Variants in EPHA5 observed in about 807,000 individuals in gnomAD.
EPHA5 encodes ephrin type-A receptor 5.
EPHA5 carries 60 observed loss-of-function variants against 105.0 expected under a neutral mutation model. That is an observed-to-expected ratio of 0.57 (90% CI 0.46 to 0.71). The LOEUF is 0.71. Among genes scored for constraint, EPHA5 ranks in the 30% least tolerant of loss-of-function variants. The probability of loss-of-function intolerance (pLI) is 0.00; values close to 1 mark genes in which losing one functional copy is unlikely to be tolerated. For missense variants in EPHA5, 1,218 were observed against 1,274.7 expected (o/e 0.96, Z 0.68); for synonymous variants, 513 against 449.1 (o/e 1.14, Z -1.80).
chr4:65,628,364 C>A (rs747071070), intron 2 of EPHA5, among the ~76,000 whole-genome samples: 1 of 151,922 alleles, frequency 6.6e-6, no homozygotes, highest in Non-Finnish European at 1.5e-5. Flanking sequence ...AATAATGCTA[C>A]CAAGAAAATT....
At chr4:65,499,183 C>A (rs1732242975) in intron 3 of EPHA5, among the ~76,000 whole-genome samples, 1 of 151,538 alleles carries the variant, frequency 6.6e-6, no homozygotes, top group Admixed American at 6.6e-5. Context: ...TTCCTACCAT[C>A]AAATCTCCAA....
At chr4:65,610,927 T>C (rs1744706182) in intron 2 of EPHA5, among the ~76,000 whole-genome samples, 1 of 152,204 alleles carries the variant, frequency 6.6e-6, no homozygotes, top group Non-Finnish European at 1.5e-5. Flanking sequence ...TTCATCATGC[T>C]ATGCCAAGAG....
intron 2 of EPHA5, among the ~76,000 whole-genome samples, chr4:65,613,192 T>C (rs1744930964): frequency 6.6e-6 from 1 of 152,102 alleles, no homozygotes; most frequent in African/African-American, 2.4e-5. Flanking sequence ...TGTAGGTCTG[T>C]GACTTTATTT....
intron 8 of EPHA5, among the ~76,000 whole-genome samples, chr4:65,383,675 A>G (rs1719803614): frequency 6.6e-6 from 1 of 151,834 alleles, no homozygotes; most frequent in South Asian, 2.1e-4. Flanking sequence ...CCTGGTCATA[A>G]TATCTGCCAG....
chr4:65,656,127 TGC>T (rs1749033012), intron 1 of EPHA5, among the ~76,000 whole-genome samples: 1 of 71,638 alleles, frequency 1.4e-5, no homozygotes, highest in Admixed American at 2.1e-4. Flanking sequence ...CTGCTGCTGC[TGC>T]TTAAAAAAAA....
intron 3 of EPHA5, among the ~76,000 whole-genome samples, chr4:65,569,455 C>T (rs1739895838): frequency 6.6e-6 from 1 of 151,524 alleles, no homozygotes; most frequent in African/African-American, 2.4e-5. Context: ...CATATATTTT[C>T]CCTACCCCCA....
At chr4:65,341,512 G>C (rs1281776204) in intron 14 of EPHA5, among the ~76,000 whole-genome samples, 1 of 151,104 alleles carries the variant, frequency 6.6e-6, no homozygotes, top group African/African-American at 2.4e-5. Flanking sequence ...ATATACATAT[G>C]AATGCCACCC....
intron 1 of EPHA5, among the ~76,000 whole-genome samples, chr4:65,653,704 C>T (rs766168825): frequency 1.3e-5 from 2 of 151,650 alleles, no homozygotes; most frequent in African/African-American, 2.4e-5. Context: ...GCTATTTGTC[C>T]TTTCTCAAAG....
At chr4:65,361,797 C>T (rs144157107) in intron 11 of EPHA5, among the ~76,000 whole-genome samples, 1 of 151,476 alleles carries the variant, frequency 6.6e-6, no homozygotes, top group African/African-American at 2.4e-5. Context: ...CAGAACTAGG[C>T]TTATTTATAC....
chr4:65,357,029 G>A (rs1414846367), intron 11 of EPHA5, among the ~76,000 whole-genome samples: 1 of 151,382 alleles, frequency 6.6e-6, no homozygotes, highest in Non-Finnish European at 1.5e-5. Flanking sequence ...TTTAATCACA[G>A]GGGAGAGTTT....
chr4:65,599,322 G>A (rs893083545), intron 3 of EPHA5, among the ~76,000 whole-genome samples: 10 of 149,018 alleles, frequency 6.7e-5, no homozygotes, highest in Admixed American at 2.0e-4. Flanking sequence ...GATGTAAAAT[G>A]AGCTAGAGTC....
At chr4:65,564,049 A>T (rs28689987) in intron 3 of EPHA5, among the ~76,000 whole-genome samples, 6,724 of 151,810 alleles carry the variant, frequency 0.044, 200 homozygotes, top group South Asian at 0.092. Context: ...CAGCCAACTT[A>T]CTCTTTGCTA....
In EPHA5 at chr4:65,413,050, A is replaced by G. The variant is rs138181359; in HGVS notation, c.1687+1234T>C. Among the ~76,000 whole-genome samples, 5 of 152,294 alleles carry G rather than the reference A, an allele frequency of 3.3e-5. No homozygotes were observed. In the East Asian group the frequency reaches 9.7e-4, roughly 29 times the overall value. On this transcript the variant is annotated intron_variant, in intron 7 of 16. Coordinates refer to ENST00000613740, the MANE Select transcript of EPHA5 (RefSeq NM_001281766.3). ...GAATCAAGTCTTGTTAAGATGGCTAACTTATATAGCATACCTTTTTTCCTA... is the reference window on the plus strand; with the variant it reads ...GAATCAAGTCTTGTTAAGATGGCTAGCTTATATAGCATACCTTTTTTCCTA...
chr4:65,575,051 G>A (rs1412605479), intron 3 of EPHA5, among the ~76,000 whole-genome samples: 1 of 151,730 alleles, frequency 6.6e-6, no homozygotes, highest in South Asian at 2.1e-4. Flanking sequence ...ATTGGGAAAA[G>A]AATGCTGCTA....
rs111537275 is a variant in EPHA5, at chr4:65,324,035, C to CTT, written c.*77_*78dup. 8 of 938,050 alleles carry CTT rather than the reference C, an allele frequency of 8.5e-6. No homozygotes were observed. The highest frequency in any genetic ancestry group is 1.3e-5 in the Non-Finnish European group (8 of 600,138). The allele number at this position is 938,050 out of a possible 1,614,324, so 58.1% of individuals were successfully genotyped here. A position where few individuals can be genotyped will look rare whatever the true frequency, so the allele number is the denominator to read the frequency against. ...GAAATCACTGTTTTCCCTTTTCCCC[C>CTT]TTTTTTTGTTAAAATAAATCTCAGT... On this transcript the variant is annotated 3_prime_UTR_variant, in exon 17 of 17. Transcript: ENST00000613740.
chr4:65,567,575 G>A (rs1217445796), intron 3 of EPHA5, among the ~76,000 whole-genome samples: 4 of 151,484 alleles, frequency 2.6e-5, no homozygotes, highest in African/African-American at 9.7e-5. Context: ...AAAACATACT[G>A]TTATTGAAAA....
intron 2 of EPHA5, among the ~76,000 whole-genome samples, chr4:65,603,337 C>G (rs548966644): frequency 3.7e-5 from 1 of 27,058 alleles, no homozygotes; most frequent in African/African-American, 1.3e-4. Context: ...ATTTCTGAAG[C>G]CTGTAAAAAA....
intron 6 of EPHA5, among the ~76,000 whole-genome samples, chr4:65,419,365 C>T (rs977104181): frequency 2.6e-5 from 4 of 152,084 alleles, no homozygotes; most frequent in African/African-American, 7.2e-5. Flanking sequence ...TTTGTATTTC[C>T]TACCATCCCT....
intron 5 of EPHA5, among the ~76,000 whole-genome samples, chr4:65,438,364 AT>A (rs55883830): frequency 0.25 from 38,205 of 151,570 alleles, 5,995 homozygotes; most frequent in Middle Eastern, 0.38. Flanking sequence ...TTAACATTTA[AT>A]TGTTGGAAAT....
Sources: allele counts gnomAD v4.1 joint callset (sites outside exome capture counted in the v4.1 genomes callset), GRCh38; gene constraint gnomAD v4.1.1; transcripts MANE v1.5; gene names NCBI Gene and HGNC (gene_info 2026-07-23, HGNC 2026-07-21).